The following PDE11A variants were observed in gnomAD, a reference collection of about 807,000 sequenced individuals.
PDE11A encodes phosphodiesterase 11A.
Under a neutral mutation model 100.5 loss-of-function variants are expected in PDE11A, and 100 were observed. The observed-to-expected ratio is 1.00, with a 90% CI of 0.85 to 1.18. PDE11A has a LOEUF of 1.18. Among genes scored for constraint, PDE11A ranks in the 50% most tolerant of loss-of-function variants. PDE11A has a pLI of 0.00. For synonymous variants in PDE11A, 381 were observed against 420.8 expected, an observed-to-expected ratio of 0.91 and a Z score of 1.16; for missense variants, 1,141 against 1,152.6, an observed-to-expected ratio of 0.99 and a Z score of 0.15.
intron 2 of PDE11A, among the ~76,000 whole-genome samples, chr2:177,959,162 G>A (rs1432347245): frequency 6.6e-6 from 1 of 152,206 alleles, no homozygotes; most frequent in African/African-American, 2.4e-5. Context: ...GAGCCAAGAA[G>A]AGGAATGAAG....
chr2:177,893,599 T>A (rs1420717246), intron 4 of PDE11A, among the ~76,000 whole-genome samples: 2 of 152,324 alleles, frequency 1.3e-5, no homozygotes, highest in East Asian at 3.9e-4. Flanking sequence ...ATATCAATCT[T>A]TTTTTCCTGA....
chr2:177,910,635 A>T (rs1574271922), intron 2 of PDE11A, among the ~76,000 whole-genome samples: 1 of 133,976 alleles, frequency 7.5e-6, no homozygotes, highest in Non-Finnish European at 1.6e-5. Context: ...GCTTGAAAGC[A>T]CTTTATGAAC....
At chr2:177,894,643 C>T (rs975761225) in intron 4 of PDE11A, among the ~76,000 whole-genome samples, 4 of 152,130 alleles carry the variant, frequency 2.6e-5, no homozygotes, top group African/African-American at 9.7e-5. Context: ...GATCATAAGA[C>T]TCACGAAACA....
At chr2:177,783,330 A>G (rs1303556832) in intron 9 of PDE11A, among the ~76,000 whole-genome samples, 1 of 152,188 alleles carries the variant, frequency 6.6e-6, no homozygotes, top group Admixed American at 6.5e-5. Flanking sequence ...ACCTTGTTAT[A>G]CTTCAGAAGT....
At chr2:177,923,077 T>C (rs10190066) in intron 2 of PDE11A, among the ~76,000 whole-genome samples, 13,017 of 152,220 alleles carry the variant, frequency 0.086, 531 homozygotes, top group South Asian at 0.1. Flanking sequence ...GCACTTTATA[T>C]GCTTTTATAG....
intron 2 of PDE11A, among the ~76,000 whole-genome samples, chr2:177,941,591 C>T (rs2085346318): frequency 6.6e-6 from 1 of 152,198 alleles, no homozygotes; most frequent in Admixed American, 6.5e-5. Context: ...ATACAGAATG[C>T]TTCACCAGTC....
intron 6 of PDE11A, among the ~76,000 whole-genome samples, chr2:177,820,602 AG>A (rs2105587175): frequency 6.6e-6 from 1 of 152,074 alleles, no homozygotes; most frequent in African/African-American, 2.4e-5. Flanking sequence ...CCACACCACT[AG>A]ACAAGAATTC....
At chr2:177,960,305 T>C (rs1365873649) in intron 2 of PDE11A, among the ~76,000 whole-genome samples, 1 of 151,998 alleles carries the variant, frequency 6.6e-6, no homozygotes, top group Non-Finnish European at 1.5e-5. Context: ...AATTTGAAAA[T>C]AGTTCCACTT....
chr2:178,014,541 G>C (rs1004926998), intron 1 of PDE11A, 81 bp from the exon 2 acceptor site: 2 of 1,082,294 alleles, frequency 1.8e-6, no homozygotes, highest in African/African-American at 3.1e-5. Flanking sequence ...TTCTGCATAT[G>C]ATACCTTATC....
intron 3 of PDE11A, among the ~76,000 whole-genome samples, chr2:177,901,200 T>A (rs1158903565): frequency 2.0e-5 from 3 of 152,032 alleles, no homozygotes; most frequent in Non-Finnish European, 4.4e-5. Context: ...ACCTGATGGA[T>A]CAGCTGGCAC....
At chr2:178,003,079 C>A (rs1248385540) in intron 2 of PDE11A, among the ~76,000 whole-genome samples, 1 of 152,028 alleles carries the variant, frequency 6.6e-6, no homozygotes, top group Non-Finnish European at 1.5e-5. Context: ...GAATTCGGAA[C>A]CCTCATACAT....
Position 177,724,322 on chromosome 2 carries a change from C to CT in PDE11A, c.2043+3335dup, listed in dbSNP as rs200559978. Among the ~76,000 whole-genome samples the CT allele has an allele frequency of 2.0e-3, 293 of 146,154 alleles. 1 individual carries two copies. In the East Asian group the frequency reaches 0.032, roughly 16 times the overall value. ...AATTTGCCTGTCCTACACAGTAGTT[C>CT]TTTTTTTTTTTAATTTCTAAAGGAA... On this transcript the variant is annotated intron_variant, in intron 12 of 19. Coordinates refer to ENST00000286063, the MANE Select transcript of PDE11A (RefSeq NM_016953.4).
intron 19 of PDE11A, among the ~76,000 whole-genome samples, chr2:177,660,655 C>T (rs1281609818): frequency 6.6e-6 from 1 of 152,126 alleles, no homozygotes; most frequent in African/African-American, 2.4e-5. Context: ...ATGCACTGGG[C>T]ATCCAAAATA....
intron 18 of PDE11A, among the ~76,000 whole-genome samples, chr2:177,665,503 T>TA (rs143349310): frequency 0.78 from 112,470 of 143,636 alleles, 45,431 homozygotes; most frequent in East Asian, 0.97. Context: ...TAATAATAAA[T>TA]AAATAAAATA....
At chr2:178,043,921 A>C (rs567542988) in intron 1 of PDE11A, among the ~76,000 whole-genome samples, 11 of 152,264 alleles carry the variant, frequency 7.2e-5, no homozygotes, top group African/African-American at 2.6e-4. Context: ...TACTTTGAAG[A>C]GTTAGCAATT....
chr2:177,888,591 T>C, intron 4 of PDE11A: 1 of 335,466 alleles, frequency 3.0e-6, no homozygotes, highest in Non-Finnish European at 4.2e-6. Flanking sequence ...ATTTGACACA[T>C]TAAAATTAAA....
intron 3 of PDE11A, among the ~76,000 whole-genome samples, chr2:177,901,577 C>A (rs996454175): frequency 6.6e-6 from 1 of 152,122 alleles, no homozygotes; most frequent in Non-Finnish European, 1.5e-5. Flanking sequence ...CCATATTGCT[C>A]CATGATCCCA....
chr2:177,711,929 G>C (rs1305212769), intron 12 of PDE11A, 51 bp from the exon 13 acceptor site: 1 of 935,666 alleles, frequency 1.1e-6, no homozygotes, highest in Non-Finnish European at 1.8e-6. Context: ...ACGGAGGATG[G>C]ATAAGGTTAG....
chr2:177,947,462 C>T (rs2105780403), intron 2 of PDE11A, among the ~76,000 whole-genome samples: 1 of 152,342 alleles, frequency 6.6e-6, no homozygotes, highest in South Asian at 2.1e-4. Context: ...GATCTGTGAC[C>T]TTGCCCCCAA....
Sources: gnomAD v4.1 joint callset for allele counts (sites outside exome capture counted in the v4.1 genomes callset) on GRCh38, gnomAD v4.1.1 for gene constraint, MANE v1.5 for transcripts, NCBI Gene and HGNC (gene_info 2026-07-23, HGNC 2026-07-21) for gene names.